Variants in ZSWIM6 observed in about 807,000 individuals in gnomAD.
ZSWIM6 encodes zinc finger SWIM domain-containing protein 6.
In ZSWIM6, 9 loss-of-function variants were observed where a neutral mutation model predicts 113.2. The ratio of observed to expected loss-of-function variants is 0.08; its 90% CI spans 0.05 to 0.14. The LOEUF (loss-of-function observed/expected upper bound fraction) is 0.14. ZSWIM6 is among the 10% of genes least tolerant of loss of function. ZSWIM6 has a pLI of 1.00. For missense variants in ZSWIM6, 1,162 were observed against 1,552.2 expected (o/e 0.75, Z 4.22); for synonymous variants, 611 against 606.5 (o/e 1.01, Z -0.11).
chr5:61,457,743 G>T (rs917997536), intron 1 of ZSWIM6, among the ~76,000 whole-genome samples: 1 of 152,006 alleles, frequency 6.6e-6, no homozygotes, highest in Non-Finnish European at 1.5e-5. Context: ...AGCTGGTCTC[G>T]AACTTCTGAC....
chr5:61,346,452 A>G (rs113920280), intron 1 of ZSWIM6, among the ~76,000 whole-genome samples: 141 of 152,308 alleles, frequency 9.3e-4, no homozygotes, highest in Non-Finnish European at 1.6e-3. Flanking sequence ...CAGCTGACCT[A>G]TTGATATCAA....
At chr5:61,417,163 G>T (rs544140862) in intron 1 of ZSWIM6, among the ~76,000 whole-genome samples, 121 of 152,040 alleles carry the variant, frequency 8.0e-4, no homozygotes, top group African/African-American at 2.4e-3. Context: ...AAATAAAAGC[G>T]CATACCTTTG....
At chr5:61,355,596 A>G (rs548114301) in intron 1 of ZSWIM6, among the ~76,000 whole-genome samples, 60 of 152,242 alleles carry the variant, frequency 3.9e-4, no homozygotes, top group Admixed American at 1.2e-3. Flanking sequence ...TATAATTTAC[A>G]AGTAATTTGT....
chr5:61,353,653 C>T (rs767306642), intron 1 of ZSWIM6, among the ~76,000 whole-genome samples: 7 of 152,130 alleles, frequency 4.6e-5, no homozygotes, highest in Non-Finnish European at 7.3e-5. Context: ...AACCCATTCA[C>T]GATATAGTAC....
chr5:61,363,619 T>C (rs1745077746), intron 1 of ZSWIM6, among the ~76,000 whole-genome samples: 1 of 152,112 alleles, frequency 6.6e-6, no homozygotes, highest in Non-Finnish European at 1.5e-5. Flanking sequence ...TTAGTTGGCT[T>C]GGGGGGTGGG....
rs552244388 is a variant in ZSWIM6, at chr5:61,486,255, G to C, written c.1034-4531G>C. Reference sequence around the variant, plus strand: ...GTTTCACTTAATATAATGATGTCTTGTTCCATCTATGGTGCTGCATGGATG... The same window carrying C: ...GTTTCACTTAATATAATGATGTCTTCTTCCATCTATGGTGCTGCATGGATG... On this transcript the variant is annotated intron_variant, in intron 2 of 13. Transcript: ENST00000252744. Among the ~76,000 whole-genome samples, 3 of 152,180 alleles carry C rather than the reference G, an allele frequency of 2.0e-5. No individual in the cohort carries two copies. In the South Asian group the frequency reaches 6.2e-4, roughly 32 times the overall value.
chr5:61,485,098 C>T (rs1395371497), intron 2 of ZSWIM6, among the ~76,000 whole-genome samples: 5 of 152,160 alleles, frequency 3.3e-5, no homozygotes, highest in African/African-American at 1.2e-4. Flanking sequence ...TTTCCCCCTT[C>T]CTCGCAGTAC....
chr5:61,352,921 T>C (rs903905313), intron 1 of ZSWIM6, among the ~76,000 whole-genome samples: 3 of 152,190 alleles, frequency 2.0e-5, no homozygotes, highest in African/African-American at 7.2e-5. Flanking sequence ...TCAGTTCTCT[T>C]GGATGAGCAA....
At position 61,332,545 on chromosome 5, in the gene ZSWIM6, C is replaced by A; in HGVS notation, c.273C>A (p.Phe91Leu). The change falls in exon 1 of 14, where the codon TTC becomes TTA. Residue 91 changes from phenylalanine to leucine, a missense_variant. Physicochemically the swap from Phe to Leu is conservative, Grantham distance 22. Coordinates refer to ENST00000252744, the MANE Select transcript of ZSWIM6 (RefSeq NM_020928.2). ...GCAGGGTGGCGGAGAAGTGGCCGTTCCAGCGCGTGGAGGAGCGCTTTGAGC... is the reference window on the plus strand; with the variant it reads ...GCAGGGTGGCGGAGAAGTGGCCGTTACAGCGCGTGGAGGAGCGCTTTGAGC... ...AARRVAEKWP[F>L]QRVEERFERI... The A allele has an allele frequency of 2.2e-6, 3 of 1,352,496 alleles. No individual in the cohort carries two copies. The highest frequency in any genetic ancestry group is 2.9e-6 in the Non-Finnish European group (3 of 1,024,816). The allele number at this position is 1,352,496 out of a possible 1,614,324, so 83.8% of individuals were successfully genotyped here.
At chr5:61,416,023 A>C (rs1746245811) in intron 1 of ZSWIM6, among the ~76,000 whole-genome samples, 1 of 152,056 alleles carries the variant, frequency 6.6e-6, no homozygotes, top group African/African-American at 2.4e-5. Context: ...CGTAATCTAA[A>C]TCTAACCTTC....
intron 1 of ZSWIM6, among the ~76,000 whole-genome samples, chr5:61,440,137 G>C (rs1367299203): frequency 6.6e-6 from 1 of 151,906 alleles, no homozygotes; most frequent in Non-Finnish European, 1.5e-5. Flanking sequence ...AAAAGCGCGA[G>C]AGTATATTAA....
chr5:61,366,507 G>A (rs1318143180), intron 1 of ZSWIM6, among the ~76,000 whole-genome samples: 1 of 152,226 alleles, frequency 6.6e-6, no homozygotes, highest in African/African-American at 2.4e-5. Flanking sequence ...TTTTCTCTTA[G>A]CTAATTGGAA....
chr5:61,399,957 G>A (rs990881704), intron 1 of ZSWIM6, among the ~76,000 whole-genome samples: 2 of 152,120 alleles, frequency 1.3e-5, no homozygotes, highest in African/African-American at 4.8e-5. Flanking sequence ...CTGTACACTC[G>A]GGGGTATAGA....
chr5:61,365,129 A>G (rs922807909), intron 1 of ZSWIM6, among the ~76,000 whole-genome samples: 6 of 152,152 alleles, frequency 3.9e-5, no homozygotes, highest in Middle Eastern at 3.4e-3. Context: ...AGGCTGGCGG[A>G]TCACCTGAGG....
intron 1 of ZSWIM6, among the ~76,000 whole-genome samples, chr5:61,386,438 T>A: frequency 6.6e-6 from 1 of 152,254 alleles, no homozygotes; most frequent in East Asian, 1.9e-4. Flanking sequence ...ATAGTCTTTT[T>A]AATTTCATTT....
intron 3 of ZSWIM6, among the ~76,000 whole-genome samples, chr5:61,492,014 G>T (rs947919441): frequency 2.0e-5 from 3 of 151,916 alleles, no homozygotes; most frequent in Admixed American, 2.0e-4. Flanking sequence ...GCATTCTTTG[G>T]TGATTCACAG....
At chr5:61,457,961 C>G (rs1008320396) in intron 1 of ZSWIM6, among the ~76,000 whole-genome samples, 8 of 152,286 alleles carry the variant, frequency 5.3e-5, no homozygotes, top group African/African-American at 1.9e-4. Flanking sequence ...CCAGTTATTT[C>G]TCAAATTTCC....
At position 61,545,547 on chromosome 5, in the gene ZSWIM6, C is replaced by T. The variant is rs970870777; in HGVS notation, c.*1230C>T. 1 of 151,992 alleles carries T rather than the reference C, an allele frequency of 6.6e-6. No individual in the cohort carries two copies. Among genetic ancestry groups the T allele is most frequent in the Non-Finnish European group, 1.5e-5 (1 of 68,012 alleles). The allele number at this position is 151,992 out of a possible 1,614,324, so 9.4% of individuals were successfully genotyped here. ...TGCAGTGAGCTAATAATAAGCTAAC[C>T]TTTGTGCACAAATAACATTATATAT... is the stretch of plus-strand genomic sequence containing the variant. On this transcript the variant is annotated 3_prime_UTR_variant, in exon 14 of 14. Transcript: ENST00000252744.
At chr5:61,441,734 A>G (rs1437378499) in intron 1 of ZSWIM6, among the ~76,000 whole-genome samples, 1 of 152,180 alleles carries the variant, frequency 6.6e-6, no homozygotes, top group Non-Finnish European at 1.5e-5. Flanking sequence ...TGGTTTGAGT[A>G]TATCACAGGT....
Sources: gnomAD v4.1 joint callset for allele counts (sites outside exome capture counted in the v4.1 genomes callset) on GRCh38, gnomAD v4.1.1 for gene constraint, MANE v1.5 for transcripts, NCBI Gene and HGNC (gene_info 2026-07-23, HGNC 2026-07-21) for gene names.